Variants in STXBP5L observed in about 807,000 individuals in gnomAD.
The protein encoded by STXBP5L is syntaxin-binding protein 5-like.
A neutral mutation model predicts 144.5 loss-of-function variants in STXBP5L; 65 were observed. That is an observed-to-expected ratio of 0.45 (90% CI 0.37 to 0.55). The LOEUF is 0.55. Ranked by LOEUF, STXBP5L falls within the 20% of genes least tolerant of loss-of-function variation. The probability of loss-of-function intolerance (pLI) is 0.00; values close to 1 mark genes in which losing one functional copy is unlikely to be tolerated. For missense variants in STXBP5L, 1,298 were observed against 1,405.5 expected (o/e 0.92, Z 1.22); for synonymous variants, 505 against 469.6 (o/e 1.08, Z -0.97).
At chr3:120,980,423 T>G (rs1276461499) in intron 3 of STXBP5L, among the ~76,000 whole-genome samples, 1 of 152,022 alleles carries the variant, frequency 6.6e-6, no homozygotes. Context: ...TATATTTTCT[T>G]GTTGAATTTA....
chr3:121,266,899 C>T (rs1247552610), intron 18 of STXBP5L, among the ~76,000 whole-genome samples: 1 of 152,088 alleles, frequency 6.6e-6, no homozygotes, highest in African/African-American at 2.4e-5. Flanking sequence ...AGGAGTACCA[C>T]TTAGAAGGGA....
intron 15 of STXBP5L, among the ~76,000 whole-genome samples, chr3:121,252,017 G>A (rs2050042223): frequency 6.6e-6 from 1 of 152,136 alleles, no homozygotes; most frequent in Non-Finnish European, 1.5e-5. Context: ...TCATTGCATA[G>A]TGATGCCATT....
At chr3:121,195,556 A>G (rs2047889356) in intron 9 of STXBP5L, among the ~76,000 whole-genome samples, 1 of 152,166 alleles carries the variant, frequency 6.6e-6, no homozygotes, top group Non-Finnish European at 1.5e-5. Context: ...CACTTAGCAT[A>G]ATATCCTCCA....
chr3:121,026,234 C>T (rs73187420), intron 3 of STXBP5L, among the ~76,000 whole-genome samples: 5,375 of 151,664 alleles, frequency 0.035, 145 homozygotes, highest in Middle Eastern at 0.082. Context: ...TTTTACAGTT[C>T]TTTTAATAAC....
At chr3:121,358,682 C>T (rs1161142863) in intron 20 of STXBP5L, among the ~76,000 whole-genome samples, 3 of 152,168 alleles carry the variant, frequency 2.0e-5, no homozygotes. Context: ...GCATTCTACT[C>T]TCTCTGTCCA....
At chr3:121,266,774 C>T (rs541625520) in intron 18 of STXBP5L, among the ~76,000 whole-genome samples, 1 of 152,170 alleles carries the variant, frequency 6.6e-6, no homozygotes, top group Non-Finnish European at 1.5e-5. Context: ...GCAACTTCAA[C>T]AAAGTGGCAG....
chr3:121,348,398 G>A (rs2045103221), intron 20 of STXBP5L, among the ~76,000 whole-genome samples: 2 of 152,066 alleles, frequency 1.3e-5, no homozygotes, highest in African/African-American at 4.8e-5. Context: ...TGTTCATCAG[G>A]GATATTGGTC....
chr3:121,280,746 A>G (rs1159982838), intron 19 of STXBP5L, among the ~76,000 whole-genome samples: 3 of 151,838 alleles, frequency 2.0e-5, no homozygotes, highest in Non-Finnish European at 4.4e-5. Context: ...AAATGCTTCT[A>G]TAATATTAAG....
chr3:121,257,398 C>T, intron 17 of STXBP5L, 65 bp downstream of exon 17: 2 of 1,395,088 alleles, frequency 1.4e-6, no homozygotes, highest in South Asian at 2.8e-5. Context: ...GAAACTGTGA[C>T]AAATGAAATT....
chr3:121,048,475 G>A (rs543412515), intron 5 of STXBP5L, among the ~76,000 whole-genome samples: 15 of 152,058 alleles, frequency 9.9e-5, no homozygotes, highest in African/African-American at 2.9e-4. Context: ...TCTCTTGCAG[G>A]GATACTAATG....
chr3:121,364,996 TTGAGTCTCTATC>T (rs2045823667), intron 20 of STXBP5L, among the ~76,000 whole-genome samples: 1 of 151,918 alleles, frequency 6.6e-6, no homozygotes, highest in Non-Finnish European at 1.5e-5. Flanking sequence ...CCCTCTTTTT[TTGAGTCTCTATC>T]TGAGTCTGCT....
At chr3:121,240,345 A>C in intron 13 of STXBP5L, 95 bp from the exon 14 acceptor site, 1 of 1,161,668 alleles carries the variant, frequency 8.6e-7, no homozygotes, top group Non-Finnish European at 1.2e-6. Flanking sequence ...ATTTTTCTTT[A>C]AGTGAGCTTT....
At chr3:120,978,462 G>T (rs1389113251) in intron 3 of STXBP5L, among the ~76,000 whole-genome samples, 1 of 152,040 alleles carries the variant, frequency 6.6e-6, no homozygotes. Flanking sequence ...TTTTTTCAAG[G>T]TTTTTAACTT....
intron 7 of STXBP5L, among the ~76,000 whole-genome samples, chr3:121,130,181 A>G (rs3905998): frequency 0.099 from 15,088 of 152,078 alleles, 1,181 homozygotes; most frequent in Admixed American, 0.2. Context: ...AGATCTGATA[A>G]AACTTAATGC....
At chr3:121,041,131 A>G (rs1021457652) in intron 3 of STXBP5L, among the ~76,000 whole-genome samples, 8 of 150,420 alleles carry the variant, frequency 5.3e-5, no homozygotes, top group Non-Finnish European at 1.0e-4. Flanking sequence ...TATGTAGCAT[A>G]TGTAGATGAC....
chr3:121,398,800 G>T (rs1338026047), intron 22 of STXBP5L, among the ~76,000 whole-genome samples: 2 of 152,132 alleles, frequency 1.3e-5, no homozygotes, highest in Non-Finnish European at 2.9e-5. Flanking sequence ...GAATTTAAAA[G>T]GAAAAGGCTC....
intron 3 of STXBP5L, among the ~76,000 whole-genome samples, chr3:121,041,354 G>GTTATTGACTCACTTTGAAT (rs1947140661): frequency 6.6e-6 from 1 of 151,966 alleles, no homozygotes; most frequent in Non-Finnish European, 1.5e-5. Flanking sequence ...ATTATATGAA[G>GTTATTGACTCACTTTGAAT]TTATTGACTC....
At chr3:121,317,688 T>C (rs766451402) in intron 19 of STXBP5L, among the ~76,000 whole-genome samples, 57 of 152,250 alleles carry the variant, frequency 3.7e-4, no homozygotes, top group African/African-American at 1.3e-3. Flanking sequence ...ACAAATACCA[T>C]ATAAATACAG....
At chr3:121,081,850 C>T (rs898588877) in intron 5 of STXBP5L, among the ~76,000 whole-genome samples, 2 of 152,154 alleles carry the variant, frequency 1.3e-5, no homozygotes, top group South Asian at 4.1e-4. Flanking sequence ...TACCTCAGCT[C>T]CCCTGCCAGA....
Sources: gnomAD v4.1 joint callset for allele counts (sites outside exome capture counted in the v4.1 genomes callset) on GRCh38, gnomAD v4.1.1 for gene constraint, MANE v1.5 for transcripts, NCBI Gene and HGNC (gene_info 2026-07-23, HGNC 2026-07-21) for gene names.